The following SPATA45 variants were observed in gnomAD, a reference collection of about 807,000 sequenced individuals.
The protein encoded by SPATA45 is spermatogenesis-associated protein 45.
A neutral mutation model predicts 7.0 loss-of-function variants in SPATA45; 5 were observed. The observed-to-expected ratio is 0.71, with a 90% CI of 0.37 to 1.50. SPATA45 has a LOEUF of 1.50. Among genes scored for constraint, SPATA45 ranks in the 40% most tolerant of loss-of-function variants. The pLI, the probability that SPATA45 is intolerant of heterozygous loss-of-function variation, is 0.03. For synonymous variants in SPATA45, 40 were observed against 38.7 expected (o/e 1.03, Z -0.13); for missense variants, 111 against 114.9 (o/e 0.97, Z 0.16).
Position 212,845,454 on chromosome 1 carries a change from TG to T in SPATA45, c.-39+2125del, listed in dbSNP as rs529078987. 1.4e-3 allele frequency among the ~76,000 whole-genome samples: 211 copies of T among 152,336 alleles called. 3 individuals are homozygous for T. Among genetic ancestry groups the T allele is most frequent in the African/African-American group, 5.0e-3 (206 of 41,560 alleles). On this transcript the variant is annotated intron_variant, in intron 1 of 2. Coordinates refer to ENST00000332912, the MANE Select transcript of SPATA45 (RefSeq NM_001024601.3). Reference sequence around the variant, plus strand: ...GCCACCGCAGTCATTTCTTCCCTTCTGTCAGACATAATTCCTCAGTTTGGCC... The same window carrying T: ...GCCACCGCAGTCATTTCTTCCCTTCTTCAGACATAATTCCTCAGTTTGGCC...
At chr1:212,842,701 G>A (rs1048725123) in intron 1 of SPATA45, among the ~76,000 whole-genome samples, 1 of 152,116 alleles carries the variant, frequency 6.6e-6, no homozygotes, top group African/African-American at 2.4e-5. Flanking sequence ...GGCCAGGTGC[G>A]GTGGCTCACG....
chr1:212,831,781 G>A (rs1470249009), intron 2 of SPATA45, among the ~76,000 whole-genome samples: 4 of 151,074 alleles, frequency 2.6e-5, no homozygotes, highest in African/African-American at 9.7e-5. Flanking sequence ...TTAGACCACC[G>A]CTAGGTTCGA....
chr1:212,830,399 C>T (rs527722781), intron 2 of SPATA45, 138 bp from the exon 3 acceptor site: 25 of 507,514 alleles, frequency 4.9e-5, no homozygotes, highest in Non-Finnish European at 6.4e-5. Context: ...GGGCCGGGTG[C>T]GGTGGCTCAC....
intron 1 of SPATA45, among the ~76,000 whole-genome samples, chr1:212,842,379 A>G (rs995309256): frequency 3.0e-4 from 45 of 152,180 alleles, no homozygotes; most frequent in African/African-American, 1.0e-3. Flanking sequence ...ACTTGGTCTC[A>G]AAAAAATAAA....
At chr1:212,832,251 G>A (rs950817741) in intron 2 of SPATA45, among the ~76,000 whole-genome samples, 5 of 150,046 alleles carry the variant, frequency 3.3e-5, no homozygotes, top group South Asian at 2.1e-4. Context: ...TGATCCACTC[G>A]CCTCGGCCTC....
intron 1 of SPATA45, among the ~76,000 whole-genome samples, chr1:212,839,617 CA>C (rs35037485): frequency 0.66 from 91,371 of 137,800 alleles, 29,884 homozygotes; most frequent in Non-Finnish European, 0.7. Context: ...GACCCTATGT[CA>C]AAAAAAAAAA....
At position 212,839,129 on chromosome 1, in the gene SPATA45, T is replaced by TTATA. The variant is rs71147035; in HGVS notation, c.-38-2946_-38-2943dup. On this transcript the variant is annotated intron_variant, in intron 1 of 2. Transcript: ENST00000332912. ...GAGTTATAAAATATATTTATATATA[T>TTATA]TATATATATATATAATATATTCCTT... 5.3e-4 allele frequency among the ~76,000 whole-genome samples: 77 copies of TTATA among 144,526 alleles called. 4 individuals are homozygous for TTATA. Among genetic ancestry groups the TTATA allele is most frequent in the Non-Finnish European group, 9.4e-4 (62 of 65,788 alleles). The allele number at this position is 144,526 out of a possible 152,430, so 94.8% of individuals were successfully genotyped here.
chr1:212,845,850 C>A (rs567226270), intron 1 of SPATA45, among the ~76,000 whole-genome samples: 2 of 152,256 alleles, frequency 1.3e-5, no homozygotes, highest in East Asian at 3.9e-4. Context: ...CAGGCCTCCA[C>A]TTATTCACTG....
intron 1 of SPATA45, among the ~76,000 whole-genome samples, chr1:212,837,663 G>T (rs1463817296): frequency 6.6e-6 from 1 of 151,614 alleles, no homozygotes; most frequent in African/African-American, 2.4e-5. Context: ...GTGGCCAGGC[G>T]CAGTGGCTCA....
chr1:212,833,082 G>A (rs1663520041), intron 2 of SPATA45, among the ~76,000 whole-genome samples: 1 of 151,548 alleles, frequency 6.6e-6, no homozygotes, highest in Non-Finnish European at 1.5e-5. Flanking sequence ...GCTTAGATAG[G>A]GTGGTTTCTT....
At chr1:212,846,586 T>G (rs1195445934) in intron 1 of SPATA45, among the ~76,000 whole-genome samples, 1 of 152,164 alleles carries the variant, frequency 6.6e-6, no homozygotes, top group Non-Finnish European at 1.5e-5. Context: ...CTTTGTAATA[T>G]TCTCCCCCCT....
At chr1:212,843,139 A>T (rs77289189) in intron 1 of SPATA45, among the ~76,000 whole-genome samples, 127 of 144,392 alleles carry the variant, frequency 8.8e-4, no homozygotes, top group African/African-American at 2.6e-3. Context: ...ACACACACAC[A>T]CTTAGCTGGG....
chr1:212,846,439 C>T (rs574331630), intron 1 of SPATA45, among the ~76,000 whole-genome samples: 1 of 152,292 alleles, frequency 6.6e-6, no homozygotes, highest in African/African-American at 2.4e-5. Context: ...TGTACGTATA[C>T]ATCTAGATGG....
At chr1:212,843,151 G>A (rs569714758) in intron 1 of SPATA45, among the ~76,000 whole-genome samples, 113 of 144,946 alleles carry the variant, frequency 7.8e-4, no homozygotes, top group African/African-American at 2.5e-3. Context: ...TTAGCTGGGC[G>A]CGGTGGCACA....
At chr1:212,831,425 A>G (rs1051185940) in intron 2 of SPATA45, among the ~76,000 whole-genome samples, 1 of 150,226 alleles carries the variant, frequency 6.7e-6, no homozygotes, top group Non-Finnish European at 1.5e-5. Context: ...GTGAGCTATG[A>G]TCACACCACT....
chr1:212,832,345 C>T lies in SPATA45; in HGVS notation c.278-2084G>A, dbSNP rs1298547798. On this transcript the variant is annotated intron_variant, in intron 2 of 2. Coordinates refer to ENST00000332912, the MANE Select transcript of SPATA45 (RefSeq NM_001024601.3). ...TAACTTGTTTATCTGGCTCTCTACC[C>T]AGTGAAATCTAAGCTTTTTTTTTTT... Among the ~76,000 whole-genome samples the T allele has an allele frequency of 2.7e-5, 4 of 146,458 alleles. 1 individual carries two copies. Among genetic ancestry groups the T allele is most frequent in the African/African-American group, 1.0e-4 (4 of 39,846 alleles).
chr1:212,837,063 G>GT (rs1663599656), intron 1 of SPATA45, among the ~76,000 whole-genome samples: 2 of 147,946 alleles, frequency 1.4e-5, no homozygotes, highest in South Asian at 4.2e-4. Context: ...ATATATTATT[G>GT]TTTTTTAAAA....
chr1:212,838,319 A>T (rs1160424054), intron 1 of SPATA45, among the ~76,000 whole-genome samples: 1 of 143,644 alleles, frequency 7.0e-6, no homozygotes, highest in Non-Finnish European at 1.5e-5. Context: ...AAAAAAAAAA[A>T]TACATTCGTC....
chr1:212,843,290 CAA>C (rs112677077), intron 1 of SPATA45, among the ~76,000 whole-genome samples: 3 of 133,340 alleles, frequency 2.2e-5, no homozygotes, highest in Admixed American at 7.6e-5. Context: ...CACTCCATCT[CAA>C]AAAAAAAAAG....
Sources: gnomAD v4.1 joint callset for allele counts (sites outside exome capture counted in the v4.1 genomes callset) on GRCh38, gnomAD v4.1.1 for gene constraint, MANE v1.5 for transcripts, NCBI Gene and HGNC (gene_info 2026-07-23, HGNC 2026-07-21) for gene names.